The following KLHL42 variants were observed in gnomAD, a reference collection of about 807,000 sequenced individuals.
KLHL42 encodes kelch like family member 42.
A neutral mutation model predicts 32.7 loss-of-function variants in KLHL42; 27 were observed. The observed-to-expected ratio is 0.83, with a 90% CI of 0.61 to 1.14. The LOEUF is 1.14. Among genes scored for constraint, KLHL42 ranks in the 50% most tolerant of loss-of-function variants. The probability of loss-of-function intolerance (pLI) is 0.00; values close to 1 mark genes in which losing one functional copy is unlikely to be tolerated. For missense variants in KLHL42, 491 were observed against 560.8 expected, an observed-to-expected ratio of 0.88 and a Z score of 1.26; for synonymous variants, 267 against 248.2, an observed-to-expected ratio of 1.08 and a Z score of -0.71.
intron 1 of KLHL42, among the ~76,000 whole-genome samples, chr12:27,785,620 G>A (rs1007791140): frequency 2.6e-5 from 4 of 151,944 alleles, no homozygotes; most frequent in African/African-American, 4.8e-5. Flanking sequence ...CCGAACTCTG[G>A]CTTGGGCTGA....
intron 2 of KLHL42, among the ~76,000 whole-genome samples, chr12:27,796,914 A>G (rs1273204871): frequency 6.6e-6 from 1 of 152,152 alleles, no homozygotes; most frequent in Non-Finnish European, 1.5e-5. Context: ...TTGGGATTAC[A>G]GGCATGAGAC....
At chr12:27,782,936 A>G (rs1161538224) in intron 1 of KLHL42, among the ~76,000 whole-genome samples, 1 of 152,182 alleles carries the variant, frequency 6.6e-6, no homozygotes, top group Non-Finnish European at 1.5e-5. Context: ...TAAATGTATA[A>G]ACATTTATAC....
intron 2 of KLHL42, among the ~76,000 whole-genome samples, chr12:27,793,794 G>A (rs983231008): frequency 3.9e-5 from 6 of 152,168 alleles, no homozygotes; most frequent in Non-Finnish European, 5.9e-5. Flanking sequence ...TAGACCTGCC[G>A]TTTTATTTGA....
In KLHL42 at chr12:27,785,253, A is replaced by G. The variant is rs1183865014; in HGVS notation, c.872+4051A>G. On this transcript the variant is annotated intron_variant, in intron 1 of 2. Coordinates refer to ENST00000381271, the MANE Select transcript of KLHL42 (RefSeq NM_020782.2). ...CTTGCTTTGTCACCCAGGCTGGAGT[A>G]CAGTGGTGTGATCATAACTTACTGC... is the stretch of plus-strand genomic sequence containing the variant. 2.6e-5 allele frequency among the ~76,000 whole-genome samples: 4 copies of G among 152,132 alleles called. No individual in the cohort carries two copies. The East Asian group carries it at 5.8e-4, about 22-fold the overall frequency.
chr12:27,780,426 C>T lies in KLHL42; in HGVS notation c.96C>T (p.Ala32=), dbSNP rs184964868. Residue 32 remains alanine, a synonymous_variant, in exon 1 of 3, where the codon GCC becomes GCT. Coordinates refer to ENST00000381271, the MANE Select transcript of KLHL42 (RefSeq NM_020782.2). The surrounding 1 kb of genome is among the most constrained non-coding windows in gnomAD (Gnocchi z 8.8). ...KLIEQSDYFR[A]LYRSGMREAL... ...TCGAGCAGAGCGACTACTTCCGCGC[C>T]CTCTACCGCTCCGGCATGCGCGAGG... is the stretch of plus-strand genomic sequence containing the variant. The T allele has an allele frequency of 3.1e-4, 489 of 1,554,572 alleles. 1 individual carries two copies. The African/African-American group carries it at 5.8e-3, about 19-fold the overall frequency.
intron 1 of KLHL42, among the ~76,000 whole-genome samples, chr12:27,787,431 G>A (rs2062177612): frequency 6.6e-6 from 1 of 150,946 alleles, no homozygotes; most frequent in South Asian, 2.1e-4. Context: ...GGATGGGGAG[G>A]TTGCGGTGAG....
At chr12:27,781,338 G>C (rs1251608325) in intron 1 of KLHL42, 136 bp downstream of exon 1, 1 of 1,121,024 alleles carries the variant, frequency 8.9e-7, no homozygotes, top group African/African-American at 1.6e-5. Flanking sequence ...AATGTTGTTG[G>C]CCTTGGCGCT....
At chr12:27,788,881 G>A (rs1421124352) in intron 1 of KLHL42, among the ~76,000 whole-genome samples, 1 of 152,058 alleles carries the variant, frequency 6.6e-6, no homozygotes, top group Non-Finnish European at 1.5e-5. Flanking sequence ...TTTTTACCTC[G>A]TGAACATAGT....
At chr12:27,784,139 GT>G (rs916582197) in intron 1 of KLHL42, among the ~76,000 whole-genome samples, 1,496 of 123,114 alleles carry the variant, frequency 0.012, 23 homozygotes, top group African/African-American at 0.041. Context: ...TTTTGTTTTT[GT>G]TTTTTTTTTT....
At chr12:27,789,364 A>G (rs1203466091) in intron 1 of KLHL42, among the ~76,000 whole-genome samples, 3 of 152,210 alleles carry the variant, frequency 2.0e-5, no homozygotes, top group African/African-American at 7.2e-5. Flanking sequence ...AACCTTTAGC[A>G]GTATGCCTCT....
intron 1 of KLHL42, among the ~76,000 whole-genome samples, chr12:27,785,450 C>G (rs2062168034): frequency 6.6e-6 from 1 of 152,120 alleles, no homozygotes; most frequent in Non-Finnish European, 1.5e-5. Context: ...CTCAGGTAAT[C>G]CTCCCACTGT....
In KLHL42 at chr12:27,780,319, G is replaced by A. The variant is rs1478870233; in HGVS notation, c.-12G>A. ...TCTGGCGGTGAGCGCTGCCGCCCCG[G>A]GGCCCCCAGCCATGTCGGCCGAGGA... On this transcript the variant is annotated 5_prime_UTR_variant, in exon 1 of 3. Coordinates refer to ENST00000381271, the MANE Select transcript of KLHL42 (RefSeq NM_020782.2). This position sits in a 1 kb window ranked among gnomAD's most constrained non-coding sequence, Gnocchi z 8.8. The A allele has an allele frequency of 1.3e-6, 2 of 1,550,128 alleles. No individual in the cohort carries two copies. Among genetic ancestry groups the A allele is most frequent in the Non-Finnish European group, 1.7e-6 (2 of 1,152,756 alleles).
At chr12:27,791,938 G>C (rs548875084) in intron 2 of KLHL42, 37 bp downstream of exon 2, 3 of 1,587,356 alleles carry the variant, frequency 1.9e-6, no homozygotes, top group Non-Finnish European at 2.6e-6. Context: ...CTGCCCATGT[G>C]TAGGCGTCAG....
intron 1 of KLHL42, among the ~76,000 whole-genome samples, chr12:27,790,298 T>A (rs1306711752): frequency 2.4e-5 from 3 of 122,930 alleles, no homozygotes; most frequent in Non-Finnish European, 6.1e-5. Flanking sequence ...TACCACCTTG[T>A]GATGGCTGTT....
In KLHL42 at chr12:27,781,211, C is replaced by A; in HGVS notation, c.872+9C>A. On this transcript the variant is annotated intron_variant, in intron 1 of 2. Transcript: ENST00000381271. ...TCCATGAACCAGAAGAGGTAAGCAC[C>A]CCGGCAGAGTGCTGCTGCCTTCTCA... is the stretch of plus-strand genomic sequence containing the variant. 3.1e-6 allele frequency: 5 copies of A among 1,612,792 alleles called. No individual in the cohort carries two copies. Among genetic ancestry groups the A allele is most frequent in the Non-Finnish European group, 3.4e-6 (4 of 1,179,848 alleles).
At position 27,798,117 on chromosome 12, in the gene KLHL42, A is replaced by G. The variant is rs770485228; in HGVS notation, c.1469A>G (p.His490Arg). The G allele has an allele frequency of 1.5e-5, 12 of 780,838 alleles. No individual in the cohort carries two copies. The highest frequency in any genetic ancestry group is 2.9e-5 in the Non-Finnish European group (12 of 418,066). 48.4% of individuals were successfully genotyped at this position (780,838 alleles called of 1,614,324 possible). A position where few individuals can be genotyped will look rare whatever the true frequency, so the allele number is the denominator to read the frequency against. ...EAFRRFPAFG[H>R]NLLVSSLYLP... The stretch of plus-strand genomic sequence containing the variant: ...TTTCGGCGTTTTCCAGCTTTTGGAC[A>G]TAACTTGCTGGTTTCTTCTCTTTAT... Residue 490 changes from histidine (H) to arginine (R), a missense_variant, in exon 3 of 3, where the codon CAT (histidine) becomes CGT (arginine). By Grantham distance (29) the His-to-Arg change is conservative. Coordinates refer to ENST00000381271, the MANE Select transcript of KLHL42 (RefSeq NM_020782.2).
At chr12:27,783,215 A>C (rs1428582706) in intron 1 of KLHL42, among the ~76,000 whole-genome samples, 1 of 152,208 alleles carries the variant, frequency 6.6e-6, no homozygotes, top group African/African-American at 2.4e-5. Flanking sequence ...GAGAAAATTA[A>C]GCGGAAGTGG....
intron 1 of KLHL42, among the ~76,000 whole-genome samples, chr12:27,787,294 A>G (rs1454293051): frequency 6.6e-6 from 1 of 151,848 alleles, no homozygotes; most frequent in Non-Finnish European, 1.5e-5. Context: ...CAGAGGTTCG[A>G]GACCAGCCTG....
At chr12:27,796,542 A>G (rs2062219543) in intron 2 of KLHL42, among the ~76,000 whole-genome samples, 1 of 152,220 alleles carries the variant, frequency 6.6e-6, no homozygotes, top group Non-Finnish European at 1.5e-5. Flanking sequence ...AGAAAAGAGA[A>G]CAATTAAAAA....
Sources: allele counts gnomAD v4.1 joint callset (sites outside exome capture counted in the v4.1 genomes callset), GRCh38; gene constraint gnomAD v4.1.1; non-coding constraint Gnocchi (gnomAD v3.1); transcripts MANE v1.5; gene names NCBI Gene and HGNC (gene_info 2026-07-23, HGNC 2026-07-21).